Variants in ABAT observed in about 807,000 individuals in gnomAD.
ABAT encodes the protein 4-aminobutyrate aminotransferase, also known as 4-aminobutyrate aminotransferase, mitochondrial.
ABAT carries 45 observed loss-of-function variants against 64.6 expected under a neutral mutation model. The ratio of observed to expected loss-of-function variants is 0.70; its 90% CI spans 0.55 to 0.89. ABAT has a LOEUF of 0.89. Among genes scored for constraint, ABAT ranks in the 40% least tolerant of loss-of-function variants. The pLI, the probability that ABAT is intolerant of heterozygous loss-of-function variation, is 0.00. For missense variants in ABAT, 633 were observed against 658.4 expected (o/e 0.96, Z 0.42); for synonymous variants, 297 against 250.5 (o/e 1.19, Z -1.75).
At chr16:8,679,947 C>T (rs1263847088) in intron 1 of ABAT, among the ~76,000 whole-genome samples, 2 of 152,080 alleles carry the variant, frequency 1.3e-5, no homozygotes, top group Non-Finnish European at 2.9e-5. Context: ...CTGTCTTGCC[C>T]GTTGCAGGGA....
chr16:8,746,883 G>GGGC (rs2059348386), intron 3 of ABAT, among the ~76,000 whole-genome samples: 3 of 152,074 alleles, frequency 2.0e-5, no homozygotes, highest in East Asian at 1.9e-4. Context: ...CAGCTCTGTT[G>GGGC]AGCAGACAGC....
At chr16:8,690,729 T>C (rs1201325747) in intron 1 of ABAT, among the ~76,000 whole-genome samples, 2 of 152,206 alleles carry the variant, frequency 1.3e-5, no homozygotes, top group Non-Finnish European at 2.9e-5. Flanking sequence ...TTAAGAAGGT[T>C]TTCATCAAGG....
chr16:8,752,106 C>G (rs1596455590), intron 5 of ABAT, among the ~76,000 whole-genome samples: 1 of 152,342 alleles, frequency 6.6e-6, no homozygotes, highest in South Asian at 2.1e-4. Context: ...TCCCTGAGAC[C>G]CAGCCTTGGC....
intron 11 of ABAT, among the ~76,000 whole-genome samples, chr16:8,769,944 G>A (rs1344612351): frequency 1.3e-5 from 2 of 152,258 alleles, no homozygotes; most frequent in Non-Finnish European, 2.9e-5. Context: ...GCACCTACTA[G>A]ATGTCAAGCA....
chr16:8,728,018 C>G (rs1275044502), intron 1 of ABAT, among the ~76,000 whole-genome samples: 1 of 152,188 alleles, frequency 6.6e-6, no homozygotes, highest in Non-Finnish European at 1.5e-5. Context: ...CTGCAGTGAG[C>G]CCTGATCGCC....
chr16:8,727,223 C>T (rs150081730), intron 1 of ABAT, among the ~76,000 whole-genome samples: 1 of 152,126 alleles, frequency 6.6e-6, no homozygotes, highest in South Asian at 2.1e-4. Context: ...GCTCCCTCCT[C>T]CCTTTGAGAG....
chr16:8,702,353 A>G (rs1417266327), intron 1 of ABAT, among the ~76,000 whole-genome samples: 2 of 152,078 alleles, frequency 1.3e-5, no homozygotes, highest in East Asian at 3.9e-4. Context: ...CCTGGGTTCA[A>G]GCAATTCTCC....
At chr16:8,723,809 T>TATATATATATATATATATATA (rs2058445970) in intron 1 of ABAT, among the ~76,000 whole-genome samples, 6 of 44,808 alleles carry the variant, frequency 1.3e-4, no homozygotes, top group African/African-American at 4.9e-4. Flanking sequence ...TCCAAGCTTT[T>TATATATATATATATATATATA]TATATATATA....
intron 1 of ABAT, among the ~76,000 whole-genome samples, chr16:8,732,675 C>T (rs1234180347): frequency 1.3e-5 from 2 of 151,534 alleles, no homozygotes; most frequent in East Asian, 3.9e-4. Context: ...CCCACCTTTC[C>T]CGCCTTTCTA....
chr16:8,698,902 C>A (rs139023452), intron 1 of ABAT, among the ~76,000 whole-genome samples: 1 of 152,020 alleles, frequency 6.6e-6, no homozygotes, highest in Non-Finnish European at 1.5e-5. Flanking sequence ...GCCAAGATTG[C>A]GCCACTGCAC....
chr16:8,763,104 C>CAAAAA (rs60199249), intron 6 of ABAT, among the ~76,000 whole-genome samples: 1 of 117,576 alleles, frequency 8.5e-6, no homozygotes, highest in African/African-American at 3.2e-5. Context: ...GACCCTGTAA[C>CAAAAA]AAAAAAAAAA....
At chr16:8,713,880 G>C (rs1183407489) in intron 1 of ABAT, 1 of 456,198 alleles carries the variant, frequency 2.2e-6, no homozygotes, top group Non-Finnish European at 4.4e-6. Context: ...GTGCAAATGT[G>C]TATGTGTGTC....
chr16:8,735,080 C>G (rs912426916), intron 1 of ABAT, among the ~76,000 whole-genome samples: 1 of 150,698 alleles, frequency 6.6e-6, no homozygotes, highest in African/African-American at 2.5e-5. Context: ...GTAGCACATG[C>G]CTGTAGTCCC....
intron 1 of ABAT, among the ~76,000 whole-genome samples, chr16:8,726,820 G>C (rs1027426202): frequency 6.6e-6 from 1 of 152,122 alleles, no homozygotes; most frequent in Non-Finnish European, 1.5e-5. Context: ...AATGTACAAG[G>C]GTTCCCTTTG....
intron 9 of ABAT, among the ~76,000 whole-genome samples, chr16:8,767,289 G>A (rs570134521): frequency 6.6e-6 from 1 of 152,240 alleles, no homozygotes; most frequent in African/African-American, 2.4e-5. Flanking sequence ...AGGCGCAGCT[G>A]CCATGGGAGA....
chr16:8,747,383 C>G (rs2142657525), intron 3 of ABAT, among the ~76,000 whole-genome samples: 1 of 152,140 alleles, frequency 6.6e-6, no homozygotes, highest in African/African-American at 2.4e-5. Flanking sequence ...AATCTTTGTA[C>G]TAATATAAGT....
chr16:8,697,539 T>C (rs2057729948), intron 1 of ABAT, among the ~76,000 whole-genome samples: 1 of 152,168 alleles, frequency 6.6e-6, no homozygotes. Context: ...TTGCAGTCAG[T>C]GCCTGGGTTC....
rs777241102 is a variant in ABAT, at chr16:8,779,596, G to A, written c.1381+6G>A. ...TTTAATTGCCAGAAACAAAGGTAAG[G>A]GGTCAGGAGTGGCTGCTGAGTTTCA... On this transcript the variant is annotated splice_donor_region_variant and intron_variant, in intron 15 of 15. Transcript: ENST00000268251. 8.1e-6 allele frequency: 13 copies of A among 1,611,642 alleles called. No individual in the cohort carries two copies. In the African/African-American group the frequency reaches 1.6e-4, roughly 20 times the overall value.
intron 1 of ABAT, among the ~76,000 whole-genome samples, chr16:8,718,898 C>T (rs549872624): frequency 5.4e-4 from 83 of 152,326 alleles, no homozygotes; most frequent in African/African-American, 1.9e-3. Context: ...AGGCACACAG[C>T]GTGACTCCAG....
Sources: gnomAD v4.1 joint callset for allele counts (sites outside exome capture counted in the v4.1 genomes callset) on GRCh38, gnomAD v4.1.1 for gene constraint, MANE v1.5 for transcripts, NCBI Gene and HGNC (gene_info 2026-07-23, HGNC 2026-07-21) for gene names.